Variants in ADCY8 observed in about 807,000 individuals in gnomAD.
ADCY8 encodes the protein adenylate cyclase 8.
Under a neutral mutation model 119.7 loss-of-function variants are expected in ADCY8, and 51 were observed. The ratio of observed to expected loss-of-function variants is 0.43; its 90% CI spans 0.34 to 0.54. The LOEUF (loss-of-function observed/expected upper bound fraction) is 0.54, where lower values mean the gene tolerates loss of function less well. Ranked by LOEUF, ADCY8 falls within the 20% of genes least tolerant of loss-of-function variation. The pLI is 0.03. For synonymous variants in ADCY8, 665 were observed against 651.0 expected, an observed-to-expected ratio of 1.02 and a Z score of -0.33; for missense variants, 1,383 against 1,598.8, an observed-to-expected ratio of 0.87 and a Z score of 2.30.
intron 12 of ADCY8, among the ~76,000 whole-genome samples, chr8:130,829,283 T>C (rs984927723): frequency 6.6e-6 from 1 of 152,220 alleles, no homozygotes; most frequent in African/African-American, 2.4e-5. Flanking sequence ...TTGTAGCCTC[T>C]AGCTGTGTGA....
intron 17 of ADCY8, 34 bp downstream of exon 17, chr8:130,783,657 G>A: frequency 6.6e-7 from 1 of 1,522,076 alleles, no homozygotes; most frequent in South Asian, 1.2e-5. Context: ...AGGTCAGCTG[G>A]CTCTATCAGG....
At chr8:130,846,412 C>T (rs1429210251) in intron 11 of ADCY8, among the ~76,000 whole-genome samples, 1 of 152,090 alleles carries the variant, frequency 6.6e-6, no homozygotes, top group Non-Finnish European at 1.5e-5. Context: ...TGTTGGGATG[C>T]CTACAGAACA....
chr8:130,966,402 T>A (rs1821762467), intron 2 of ADCY8, among the ~76,000 whole-genome samples: 1 of 152,136 alleles, frequency 6.6e-6, no homozygotes, highest in Admixed American at 6.5e-5. Context: ...ATATTTATTA[T>A]GGGGGTCACT....
rs528647023 is a variant in ADCY8 at position 130,864,530 on chromosome 8, G to A, written c.2210+3316C>T. Among the ~76,000 whole-genome samples the A allele has an allele frequency of 1.2e-3, 187 of 152,026 alleles. 1 individual carries two copies. The highest frequency in any genetic ancestry group is 3.4e-3 in the Middle Eastern group (1 of 294). On this transcript the variant is annotated intron_variant, in intron 9 of 17. Transcript: ENST00000286355. ...CCAGAGTTCTTGGATGCTTTGACCC[G>A]TGTCCCCTGCCCAACCCCCATTCAC...
At chr8:131,018,921 G>T (rs1300106752) in intron 1 of ADCY8, among the ~76,000 whole-genome samples, 5 of 152,186 alleles carry the variant, frequency 3.3e-5, no homozygotes, top group African/African-American at 1.2e-4. Context: ...ATGTCTATCA[G>T]TGGAGGTCTA....
intron 5 of ADCY8, among the ~76,000 whole-genome samples, chr8:130,935,691 A>T (rs560178604): frequency 4.0e-4 from 61 of 152,312 alleles, no homozygotes; most frequent in African/African-American, 1.4e-3. Context: ...CACAGCTTTC[A>T]TTTAGAGGCT....
intron 12 of ADCY8, among the ~76,000 whole-genome samples, chr8:130,826,057 A>T (rs1164772416): frequency 6.6e-6 from 1 of 152,250 alleles, no homozygotes; most frequent in East Asian, 1.9e-4. Flanking sequence ...ACATGAGAGT[A>T]GAATTGGAAA....
chr8:131,028,013 T>C (rs538243738), intron 1 of ADCY8, among the ~76,000 whole-genome samples: 60 of 152,260 alleles, frequency 3.9e-4, no homozygotes, highest in African/African-American at 1.4e-3. Flanking sequence ...TGGAAGCCAA[T>C]AGCACTGCAA....
At chr8:130,970,648 A>G (rs550591548) in intron 2 of ADCY8, among the ~76,000 whole-genome samples, 1 of 152,302 alleles carries the variant, frequency 6.6e-6, no homozygotes, top group Non-Finnish European at 1.5e-5. Context: ...CCTGGTGCCA[A>G]AAAGGTTGGG....
intron 16 of ADCY8, 67 bp from the exon 17 acceptor site, chr8:130,783,872 G>A: frequency 7.5e-7 from 1 of 1,325,900 alleles, no homozygotes; most frequent in Admixed American, 1.8e-5. Flanking sequence ...CATTTCTGCA[G>A]CAGGGGCTTT....
intron 2 of ADCY8, among the ~76,000 whole-genome samples, chr8:130,956,412 T>C (rs1381866446): frequency 6.6e-6 from 1 of 152,210 alleles, no homozygotes; most frequent in Non-Finnish European, 1.5e-5. Flanking sequence ...TCCATTGTCA[T>C]TTCCTGTGGT....
At chr8:131,021,761 C>T (rs1823676644) in intron 1 of ADCY8, among the ~76,000 whole-genome samples, 1 of 152,186 alleles carries the variant, frequency 6.6e-6, no homozygotes, top group Admixed American at 6.5e-5. Flanking sequence ...GCTTCCCCTT[C>T]TGCTATGCTT....
At chr8:130,900,447 G>C (rs1586551006) in intron 7 of ADCY8, among the ~76,000 whole-genome samples, 2 of 152,280 alleles carry the variant, frequency 1.3e-5, no homozygotes, top group East Asian at 3.9e-4. Flanking sequence ...TACCAATTAT[G>C]ATGACCTGGC....
At chr8:131,006,673 G>C (rs900752750) in intron 1 of ADCY8, among the ~76,000 whole-genome samples, 2 of 152,082 alleles carry the variant, frequency 1.3e-5, no homozygotes, top group Non-Finnish European at 2.9e-5. Flanking sequence ...TCACTGCCTG[G>C]GTCACCAACA....
intron 2 of ADCY8, among the ~76,000 whole-genome samples, chr8:130,956,358 A>G (rs1280766131): frequency 6.6e-6 from 1 of 152,196 alleles, no homozygotes; most frequent in Non-Finnish European, 1.5e-5. Context: ...AGCACAGGTC[A>G]CTACAATGCG....
intron 10 of ADCY8, among the ~76,000 whole-genome samples, chr8:130,849,214 C>T (rs764644309): frequency 1.3e-5 from 2 of 152,100 alleles, no homozygotes; most frequent in Non-Finnish European, 1.5e-5. Flanking sequence ...ACTTACCTCA[C>T]GGGGTTTATG....
intron 5 of ADCY8, among the ~76,000 whole-genome samples, chr8:130,932,186 G>C (rs1278546118): frequency 6.6e-6 from 1 of 152,108 alleles, no homozygotes. Flanking sequence ...CTACTACATG[G>C]GTATTACTTC....
intron 2 of ADCY8, among the ~76,000 whole-genome samples, chr8:130,952,849 G>T (rs1821315223): frequency 6.6e-6 from 1 of 152,116 alleles, no homozygotes. Flanking sequence ...GACTTTAGTT[G>T]CCTGGGAGAG....
At chr8:131,015,810 C>T (rs1823457645) in intron 1 of ADCY8, among the ~76,000 whole-genome samples, 1 of 152,102 alleles carries the variant, frequency 6.6e-6, no homozygotes, top group Non-Finnish European at 1.5e-5. Flanking sequence ...ACGCACATAG[C>T]TAGGTAGAGA....
Sources: gnomAD v4.1 joint callset for allele counts (sites outside exome capture counted in the v4.1 genomes callset) on GRCh38, gnomAD v4.1.1 for gene constraint, MANE v1.5 for transcripts, NCBI Gene and HGNC (gene_info 2026-07-23, HGNC 2026-07-21) for gene names.